The following FRMD4A variants were observed in gnomAD, a reference collection of about 807,000 sequenced individuals.
The protein encoded by FRMD4A is FERM domain-containing protein 4A.
FRMD4A carries 29 observed loss-of-function variants against 129.1 expected under a neutral mutation model. That is an observed-to-expected ratio of 0.22 (90% CI 0.17 to 0.31). The LOEUF (loss-of-function observed/expected upper bound fraction) is 0.31. FRMD4A is among the 10% of genes least tolerant of loss of function. The pLI is 1.00. For synonymous variants in FRMD4A, 634 were observed against 571.6 expected, an observed-to-expected ratio of 1.11 and a Z score of -1.56; for missense variants, 1,272 against 1,375.8, an observed-to-expected ratio of 0.92 and a Z score of 1.19.
intron 8 of FRMD4A, among the ~76,000 whole-genome samples, chr10:13,750,007 G>C (rs973382869): frequency 2.7e-5 from 4 of 148,112 alleles, no homozygotes; most frequent in Non-Finnish European, 6.0e-5. Flanking sequence ...GAAAAAGAAA[G>C]AGAGAGAGAG....
chr10:14,148,450 C>T (rs1840183805), intron 2 of FRMD4A, among the ~76,000 whole-genome samples: 1 of 152,104 alleles, frequency 6.6e-6, no homozygotes, highest in South Asian at 2.1e-4. Context: ...GAGAAAAACC[C>T]TTTTGGTTGT....
chr10:14,285,307 C>T (rs1286434803), intron 2 of FRMD4A, among the ~76,000 whole-genome samples: 1 of 152,196 alleles, frequency 6.6e-6, no homozygotes, highest in African/African-American at 2.4e-5. Context: ...GTCTAGGATT[C>T]CTAGTTGAGC....
chr10:14,089,640 C>CAAAAAAAAAAAA (rs759243260), intron 2 of FRMD4A, among the ~76,000 whole-genome samples: 5 of 70,258 alleles, frequency 7.1e-5, no homozygotes, highest in African/African-American at 1.5e-4. Flanking sequence ...CAAAAAAAAA[C>CAAAAAAAAAAAA]AAACAAAAAA....
intron 2 of FRMD4A, among the ~76,000 whole-genome samples, chr10:14,183,693 T>C (rs772506585): frequency 9.8e-5 from 15 of 152,310 alleles, no homozygotes; most frequent in Middle Eastern, 3.4e-3. Flanking sequence ...TTTTGCAAAT[T>C]GAATCTTAAC....
At chr10:14,201,604 G>A (rs184407069) in intron 2 of FRMD4A, among the ~76,000 whole-genome samples, 5 of 152,206 alleles carry the variant, frequency 3.3e-5, no homozygotes, top group African/African-American at 1.2e-4. Flanking sequence ...ATAAAAGTGT[G>A]GTCTGAGAGG....
At chr10:14,047,778 AC>A (rs1356710059) in intron 2 of FRMD4A, among the ~76,000 whole-genome samples, 1 of 152,164 alleles carries the variant, frequency 6.6e-6, no homozygotes, top group African/African-American at 2.4e-5. Context: ...TGGGGTTTTA[AC>A]CCCAGTGAGT....
chr10:13,923,707 C>T (rs2095099210), intron 2 of FRMD4A, among the ~76,000 whole-genome samples: 1 of 152,084 alleles, frequency 6.6e-6, no homozygotes, highest in Non-Finnish European at 1.5e-5. Flanking sequence ...TAAAGGTAGG[C>T]CACGTTTATC....
At chr10:14,201,791 C>A (rs193104055) in intron 2 of FRMD4A, among the ~76,000 whole-genome samples, 5 of 152,266 alleles carry the variant, frequency 3.3e-5, no homozygotes, top group Non-Finnish European at 5.9e-5. Flanking sequence ...TGCTTCCTGG[C>A]AGATCACACA....
At chr10:13,706,749 G>GACACACAC (rs3031967) in intron 13 of FRMD4A, among the ~76,000 whole-genome samples, 3,507 of 146,540 alleles carry the variant, frequency 0.024, 61 homozygotes, top group African/African-American at 0.032. Context: ...CACATACACT[G>GACACACAC]ACACACACAC....
intron 2 of FRMD4A, among the ~76,000 whole-genome samples, chr10:14,278,143 A>G (rs555807624): frequency 6.6e-6 from 1 of 152,206 alleles, no homozygotes; most frequent in East Asian, 1.9e-4. Context: ...TGGGTTTGAA[A>G]CCGGGGGCTT....
At chr10:14,279,881 T>C (rs890824275) in intron 2 of FRMD4A, among the ~76,000 whole-genome samples, 1 of 152,238 alleles carries the variant, frequency 6.6e-6, no homozygotes, top group Admixed American at 6.5e-5. Context: ...CCTATGGTCA[T>C]AACCACTCCA....
intron 2 of FRMD4A, among the ~76,000 whole-genome samples, chr10:14,075,525 G>A (rs1241883717): frequency 6.6e-6 from 1 of 152,168 alleles, no homozygotes; most frequent in East Asian, 1.9e-4. Flanking sequence ...AACATATCAT[G>A]TTGCTTCTCA....
At chr10:14,135,440 T>G (rs1839484023) in intron 2 of FRMD4A, among the ~76,000 whole-genome samples, 1 of 152,216 alleles carries the variant, frequency 6.6e-6, no homozygotes, top group African/African-American at 2.4e-5. Flanking sequence ...TGTACATCAT[T>G]TCCCTTTTCT....
In FRMD4A at chr10:13,693,949, C is replaced by T. The variant is rs1174445202; in HGVS notation, c.1066G>A (p.Gly356Ser). The T allele has an allele frequency of 3.8e-6, 6 of 1,599,740 alleles. No individual in the cohort carries two copies. The highest frequency in any genetic ancestry group is 5.1e-6 in the Non-Finnish European group (6 of 1,174,920). Reference sequence around the variant, plus strand: ...CCGCTGATGATCTTCCCCTTGCTACCCATGTTGGCCAGCTTCGAGGTCTTC... The same window carrying T: ...CCGCTGATGATCTTCCCCTTGCTACTCATGTTGGCCAGCTTCGAGGTCTTC... ...TLKTSKLANMGSKGKIISGSS... is the reference protein window; with the variant it reads ...TLKTSKLANMSSKGKIISGSS... The change falls in exon 15 of 25, where the codon GGT becomes AGT. Residue 356 changes from glycine to serine, a missense_variant. Coordinates refer to ENST00000357447, the MANE Select transcript of FRMD4A (RefSeq NM_018027.5).
rs542321500 is a variant in FRMD4A at position 13,938,982 on chromosome 10, A to T, written c.46-80070T>A. 3.9e-5 allele frequency among the ~76,000 whole-genome samples: 6 copies of T among 152,342 alleles called. No homozygotes were observed. In the South Asian group the frequency reaches 1.0e-3, roughly 26 times the overall value. The stretch of plus-strand genomic sequence containing the variant: ...CAGCATCGGTTGATAGAGGCCAGGG[A>T]TGCTGTTAAACGTCCTAGAATTCCC... On this transcript the variant is annotated intron_variant, in intron 2 of 24. Transcript: ENST00000357447.
intron 2 of FRMD4A, among the ~76,000 whole-genome samples, chr10:14,094,577 G>A (rs908193935): frequency 6.6e-6 from 1 of 152,114 alleles, no homozygotes; most frequent in Non-Finnish European, 1.5e-5. Flanking sequence ...GCAAGAGAGA[G>A]GTGGGCATGG....
intron 2 of FRMD4A, among the ~76,000 whole-genome samples, chr10:13,926,318 A>C (rs2095133341): frequency 6.6e-6 from 1 of 152,136 alleles, no homozygotes; most frequent in African/African-American, 2.4e-5. Context: ...GATAGTTGAG[A>C]TTTTACTGTA....
intron 12 of FRMD4A, among the ~76,000 whole-genome samples, chr10:13,736,188 G>A (rs1451767873): frequency 6.6e-6 from 1 of 151,986 alleles, no homozygotes; most frequent in Non-Finnish European, 1.5e-5. Flanking sequence ...AAAACAAAAA[G>A]AGAAGGGTTG....
intron 2 of FRMD4A, among the ~76,000 whole-genome samples, chr10:14,242,678 A>G (rs1348181982): frequency 6.6e-6 from 1 of 152,230 alleles, no homozygotes; most frequent in Non-Finnish European, 1.5e-5. Flanking sequence ...ATGGAACACA[A>G]GAGGGACCCT....
Sources: allele counts gnomAD v4.1 joint callset (sites outside exome capture counted in the v4.1 genomes callset), GRCh38; gene constraint gnomAD v4.1.1; transcripts MANE v1.5; gene names NCBI Gene and HGNC (gene_info 2026-07-23, HGNC 2026-07-21).